Variants in ABCC11 observed in about 807,000 individuals in gnomAD.
The protein encoded by ABCC11 is ATP binding cassette subfamily C member 11, also known as ATP-binding cassette sub-family C member 11.
ABCC11 carries 135 observed loss-of-function variants against 149.3 expected under a neutral mutation model. The ratio of observed to expected loss-of-function variants is 0.90; its 90% CI spans 0.79 to 1.04. The LOEUF is 1.04. ABCC11 is among the 50% of genes least tolerant of loss of function. ABCC11 has a pLI of 0.00. For synonymous variants in ABCC11, 665 were observed against 671.4 expected (o/e 0.99, Z 0.15); for missense variants, 1,680 against 1,722.1 (o/e 0.98, Z 0.43).
intron 26 of ABCC11, among the ~76,000 whole-genome samples, chr16:48,171,197 A>G (rs1965696925): frequency 2.6e-5 from 4 of 152,254 alleles, no homozygotes; most frequent in Admixed American, 1.3e-4. Flanking sequence ...CCCCCAGCCC[A>G]TGTGTTCCAG....
Position 48,205,414 on chromosome 16 carries a change from G to C in ABCC11, c.1804C>G (p.Arg602Gly), listed in dbSNP as rs142338810. ...ILMGGAYDKA[R>G]YLQVLHCCSL... ...CCCTTTCCCCTCCCAGGAGCTTACC[G>C]GGCCTTGTCATATGCGCCTCCCATG... is the stretch of plus-strand genomic sequence containing the variant. Residue 602 changes from arginine to glycine, a missense_variant and splice_region_variant, in exon 13 of 30, where the codon CGA (arginine) becomes GGA (glycine). Coordinates refer to ENST00000356608, the MANE Select transcript of ABCC11 (RefSeq NM_001370497.1). The C allele has an allele frequency of 2.5e-6, 4 of 1,614,006 alleles. No homozygotes were observed. The highest frequency in any genetic ancestry group is 8.5e-7 in the Non-Finnish European group (1 of 1,180,000).
intron 6 of ABCC11, among the ~76,000 whole-genome samples, chr16:48,216,610 G>A (rs1969362254): frequency 6.6e-6 from 1 of 152,180 alleles, no homozygotes. Flanking sequence ...ATTTTACTAC[G>A]ATTAATACTA....
At chr16:48,206,476 T>C (rs1032613504) in intron 12 of ABCC11, among the ~76,000 whole-genome samples, 1 of 152,196 alleles carries the variant, frequency 6.6e-6, no homozygotes, top group Admixed American at 6.5e-5. Context: ...CAAATAGAGA[T>C]AGACACTCAT....
chr16:48,231,673 AAAAGAG>A (rs1206627203), intron 2 of ABCC11, 144 bp downstream of exon 2: 38 of 1,106,038 alleles, frequency 3.4e-5, no homozygotes, highest in South Asian at 2.1e-4. Context: ...AAAAAAAAAA[AAAAGAG>A]AGAGAGAGAG....
intron 26 of ABCC11, among the ~76,000 whole-genome samples, chr16:48,174,086 A>T (rs1301240842): frequency 6.6e-6 from 1 of 152,226 alleles, no homozygotes; most frequent in Non-Finnish European, 1.5e-5. Context: ...TCACTCAGGC[A>T]GTGACTCATC....
intron 14 of ABCC11, among the ~76,000 whole-genome samples, chr16:48,202,686 T>C (rs1243049295): frequency 6.6e-6 from 1 of 151,930 alleles, no homozygotes; most frequent in Non-Finnish European, 1.5e-5. Flanking sequence ...ATCGTGACTC[T>C]CACCTAAGAC....
chr16:48,233,468 T>C (rs1367244872), intron 1 of ABCC11, among the ~76,000 whole-genome samples: 2 of 151,970 alleles, frequency 1.3e-5, no homozygotes, highest in Admixed American at 6.6e-5. Context: ...ACTTCAGGGA[T>C]GATAGAAAAG....
intron 6 of ABCC11, among the ~76,000 whole-genome samples, chr16:48,216,822 C>T (rs12102307): frequency 0.015 from 2,316 of 152,280 alleles, 58 homozygotes; most frequent in African/African-American, 0.053. Context: ...AGCTTGCTAA[C>T]GTCACAGCCT....
At chr16:48,185,688 G>T (rs1470613879) in intron 22 of ABCC11, among the ~76,000 whole-genome samples, 1 of 151,992 alleles carries the variant, frequency 6.6e-6, no homozygotes, top group Non-Finnish European at 1.5e-5. Flanking sequence ...CAGCAGAGTG[G>T]CCCTTCTGAC....
At chr16:48,214,285 C>G (rs1383470020) in intron 9 of ABCC11, among the ~76,000 whole-genome samples, 1 of 151,964 alleles carries the variant, frequency 6.6e-6, no homozygotes, top group Non-Finnish European at 1.5e-5. Flanking sequence ...GGGGTGTTTT[C>G]CTGGTGCATG....
intron 18 of ABCC11, among the ~76,000 whole-genome samples, chr16:48,195,276 A>T (rs757269056): frequency 2.0e-5 from 3 of 152,216 alleles, no homozygotes; most frequent in Non-Finnish European, 4.4e-5. Flanking sequence ...AGTGCCTGGA[A>T]CATAGCAGGC....
chr16:48,200,277 T>A lies in ABCC11; in HGVS notation c.2081A>T (p.Gln694Leu), dbSNP rs749718692. 1.2e-6 allele frequency: 2 copies of A among 1,614,070 alleles called. No homozygotes were observed. Among genetic ancestry groups the A allele is most frequent in the Non-Finnish European group, 8.5e-7 (1 of 1,179,970 alleles). Reference protein sequence around the residue: ...KTVVLVTHQLQYLEFCGQIIL... With the variant: ...KTVVLVTHQLLYLEFCGQIIL... Reference sequence around the variant, plus strand: ...TCAGAGCCCTGGAAGGGTGCTAACCTGCAGCTGGTGGGTCACCAGGACGAC... The same window carrying A: ...TCAGAGCCCTGGAAGGGTGCTAACCAGCAGCTGGTGGGTCACCAGGACGAC... The change falls in exon 15 of 30, where the codon CAG becomes CTG. Residue 694 changes from glutamine to leucine, a missense_variant and splice_region_variant. Transcript: ENST00000356608.
rs200308896 is a variant in ABCC11, at chr16:48,215,038, TAAA to T, written c.1100-12_1100-10del. 6.2e-7 allele frequency: 1 copy of T among 1,611,798 alleles called. No individual in the cohort carries two copies. The highest frequency in any genetic ancestry group is 8.5e-7 in the Non-Finnish European group (1 of 1,179,020). ...TTCCTTCCTTCTTAGGTCTGGGAAA[TAAA>T]AAAGAAATACACCAAAGATAACCAC... On this transcript the variant is annotated splice_polypyrimidine_tract_variant and intron_variant, in intron 8 of 29. Transcript: ENST00000356608.
At chr16:48,215,064 C>A in intron 8 of ABCC11, 35 bp from the exon 9 acceptor site, 1 of 1,609,338 alleles carries the variant, frequency 6.2e-7, no homozygotes, top group Non-Finnish European at 8.5e-7. Flanking sequence ...CAAAGATAAC[C>A]ACAAGAACAT....
chr16:48,200,569 C>T, intron 14 of ABCC11, 90 bp from the exon 15 acceptor site: 1 of 1,358,296 alleles, frequency 7.4e-7, no homozygotes, highest in South Asian at 1.3e-5. Context: ...AGACAGAACC[C>T]CCTCAGTACA....
chr16:48,167,460 C>G, intron 29 of ABCC11, 36 bp downstream of exon 29: 2 of 1,613,024 alleles, frequency 1.2e-6, no homozygotes. Context: ...AGCCTGAGCC[C>G]TCATCCTCCC....
chr16:48,238,906 C>T (rs111752890), intron 1 of ABCC11, among the ~76,000 whole-genome samples: 1,627 of 138,618 alleles, frequency 0.012, 37 homozygotes, highest in African/African-American at 0.042. Context: ...CACTACACTC[C>T]AGCCTGGGCG....
chr16:48,207,401 C>T (rs1968539225), intron 12 of ABCC11, among the ~76,000 whole-genome samples: 2 of 152,064 alleles, frequency 1.3e-5, no homozygotes. Flanking sequence ...CATGGTGGCT[C>T]ACATCTATAA....
chr16:48,241,789 T>C (rs1440854646), intron 1 of ABCC11, among the ~76,000 whole-genome samples: 3 of 152,062 alleles, frequency 2.0e-5, no homozygotes, highest in African/African-American at 7.2e-5. Context: ...AAACAAGAAA[T>C]GGGGAAAGGA....
Sources: allele counts gnomAD v4.1 joint callset (sites outside exome capture counted in the v4.1 genomes callset), GRCh38; gene constraint gnomAD v4.1.1; transcripts MANE v1.5; gene names NCBI Gene and HGNC (gene_info 2026-07-23, HGNC 2026-07-21).